SNTG1: variants seen among roughly 807,000 people sequenced by gnomAD.
SNTG1 encodes the protein syntrophin gamma 1, also known as gamma-1-syntrophin.
Under a neutral mutation model 74.7 loss-of-function variants are expected in SNTG1, and 39 were observed. That is an observed-to-expected ratio of 0.52 (90% CI 0.40 to 0.68). The LOEUF (loss-of-function observed/expected upper bound fraction) is 0.68, where lower values mean the gene tolerates loss of function less well. Among genes scored for constraint, SNTG1 ranks in the 30% least tolerant of loss-of-function variants. SNTG1 has a pLI of 0.00. For synonymous variants in SNTG1, 254 were observed against 217.1 expected, an observed-to-expected ratio of 1.17 and a Z score of -1.49; for missense variants, 685 against 609.5, an observed-to-expected ratio of 1.12 and a Z score of -1.30.
intron 15 of SNTG1, among the ~76,000 whole-genome samples, chr8:50,677,565 C>A (rs2131374105): frequency 6.6e-6 from 1 of 152,054 alleles, no homozygotes; most frequent in South Asian, 2.1e-4. Flanking sequence ...CATAACCTTT[C>A]TAGACTTAAT....
chr8:50,627,400 G>A (rs1445419443), intron 13 of SNTG1, among the ~76,000 whole-genome samples: 1 of 152,194 alleles, frequency 6.6e-6, no homozygotes, highest in African/African-American at 2.4e-5. Flanking sequence ...GTCATGTGAG[G>A]ACAGAGTGTT....
In SNTG1 at chr8:50,338,578, T is replaced by C. The variant is rs548160098; in HGVS notation, c.-27-55634T>C. Among the ~76,000 whole-genome samples the C allele has an allele frequency of 3.5e-4, 53 of 152,192 alleles. 2 individuals are homozygous for C. Among genetic ancestry groups the C allele is most frequent in the Middle Eastern group, 6.8e-3 (2 of 294 alleles). On this transcript the variant is annotated intron_variant, in intron 2 of 18. Transcript: ENST00000642720. ...GTGATGTAAGCAGACAGCTGAAAAC[T>C]TTAAGAAGATAACCAAAAGAAAATG...
At chr8:50,762,498 CT>C (rs1563816326) in intron 18 of SNTG1, 8 of 361,716 alleles carry the variant, frequency 2.2e-5, no homozygotes, top group Non-Finnish European at 3.8e-5. Flanking sequence ...TCATTAGTAG[CT>C]TTTTTGAGAT....
intron 2 of SNTG1, among the ~76,000 whole-genome samples, chr8:50,296,920 T>C (rs1469630532): frequency 1.3e-5 from 2 of 152,180 alleles, no homozygotes; most frequent in African/African-American, 4.8e-5. Context: ...TCCCTAAATA[T>C]TTGTCCCACA....
chr8:50,439,633 A>G (rs1286522197), intron 5 of SNTG1, among the ~76,000 whole-genome samples: 1 of 151,738 alleles, frequency 6.6e-6, no homozygotes, highest in Non-Finnish European at 1.5e-5. Flanking sequence ...AAGACCAGGG[A>G]GGCATGCAGA....
chr8:49,957,501 T>C (rs945862696), intron 1 of SNTG1, among the ~76,000 whole-genome samples: 1 of 152,218 alleles, frequency 6.6e-6, no homozygotes, highest in Non-Finnish European at 1.5e-5. Flanking sequence ...AAGTGTGTCA[T>C]GATTAGTGTG....
intron 17 of SNTG1, among the ~76,000 whole-genome samples, chr8:50,725,181 C>A (rs16915320): frequency 0.21 from 31,512 of 151,910 alleles, 3,365 homozygotes; most frequent in South Asian, 0.31. Flanking sequence ...CTTATTTGGG[C>A]GACGTTTTGT....
intron 15 of SNTG1, 46 bp downstream of exon 15, chr8:50,658,709 A>T: frequency 6.0e-6 from 8 of 1,340,782 alleles, no homozygotes; most frequent in Non-Finnish European, 8.5e-6. Context: ...TTCCTCAGCA[A>T]ATAGTGCCTC....
intron 4 of SNTG1, among the ~76,000 whole-genome samples, chr8:50,405,894 G>A (rs1027703034): frequency 2.2e-4 from 33 of 152,072 alleles, no homozygotes; most frequent in Non-Finnish European, 4.1e-4. Flanking sequence ...GTATATATAA[G>A]GGGGTATTTG....
intron 1 of SNTG1, among the ~76,000 whole-genome samples, chr8:49,989,966 G>A (rs868583791): frequency 6.6e-6 from 1 of 151,818 alleles, no homozygotes; most frequent in African/African-American, 2.4e-5. Flanking sequence ...TTGATAAAAA[G>A]TATCCATGAA....
At chr8:50,628,731 A>C (rs538605830) in intron 13 of SNTG1, among the ~76,000 whole-genome samples, 1 of 152,280 alleles carries the variant, frequency 6.6e-6, no homozygotes, top group East Asian at 1.9e-4. Context: ...GGTCTTTAAT[A>C]ATAACAAGTA....
intron 2 of SNTG1, among the ~76,000 whole-genome samples, chr8:50,204,569 GAT>G (rs2084124441): frequency 6.6e-6 from 1 of 151,908 alleles, no homozygotes; most frequent in Non-Finnish European, 1.5e-5. Context: ...CTTAAAATAA[GAT>G]ATAAATTTTT....
At position 50,121,021 on chromosome 8, in the gene SNTG1, C is replaced by G. The variant is rs2080981880; in HGVS notation, c.-102-51540C>G. Reference sequence around the variant, plus strand: ...TGCTCCCCATATTTCATTATCATATCAAGACACTGAAAGGAAAATATTTAT... The same window carrying G: ...TGCTCCCCATATTTCATTATCATATGAAGACACTGAAAGGAAAATATTTAT... On this transcript the variant is annotated intron_variant, in intron 1 of 18. Coordinates refer to ENST00000642720, the MANE Select transcript of SNTG1 (RefSeq NM_018967.5). Among the ~76,000 whole-genome samples the G allele has an allele frequency of 1.4e-5, 2 of 141,614 alleles. 1 individual carries two copies. The allele number at this position is 141,614 out of a possible 152,430, so 92.9% of individuals were successfully genotyped here.
At chr8:49,936,614 A>T (rs868072204) in intron 1 of SNTG1, among the ~76,000 whole-genome samples, 1 of 152,160 alleles carries the variant, frequency 6.6e-6, no homozygotes, top group Non-Finnish European at 1.5e-5. Flanking sequence ...CAATTTGAAA[A>T]ATGTGTCACT....
At chr8:50,225,316 T>A (rs2085274204) in intron 2 of SNTG1, among the ~76,000 whole-genome samples, 2 of 152,160 alleles carry the variant, frequency 1.3e-5, no homozygotes, top group South Asian at 4.1e-4. Flanking sequence ...ATCTGCATAA[T>A]AAGAACCTTG....
chr8:50,398,494 T>C (rs918426123), intron 3 of SNTG1, among the ~76,000 whole-genome samples: 5 of 152,228 alleles, frequency 3.3e-5, no homozygotes, highest in Non-Finnish European at 7.3e-5. Flanking sequence ...GATTGTTTCC[T>C]CAATTAATTT....
At chr8:50,740,916 A>T (rs1310455869) in intron 17 of SNTG1, among the ~76,000 whole-genome samples, 2 of 152,086 alleles carry the variant, frequency 1.3e-5, no homozygotes, top group East Asian at 3.9e-4. Flanking sequence ...ACATGTTCTC[A>T]CTTATAAAAA....
intron 12 of SNTG1, among the ~76,000 whole-genome samples, chr8:50,580,955 G>T (rs77755259): frequency 6.6e-6 from 1 of 152,054 alleles, no homozygotes; most frequent in African/African-American, 2.4e-5. Flanking sequence ...AGAGACACAT[G>T]GGCCAGGATG....
chr8:50,614,738 A>G (rs1215699502), intron 13 of SNTG1, among the ~76,000 whole-genome samples: 1 of 152,160 alleles, frequency 6.6e-6, no homozygotes, highest in African/African-American at 2.4e-5. Context: ...TGAAAATGAA[A>G]TTTCAAAAAA....
Sources: gnomAD v4.1 joint callset for allele counts (sites outside exome capture counted in the v4.1 genomes callset) on GRCh38, gnomAD v4.1.1 for gene constraint, MANE v1.5 for transcripts, NCBI Gene and HGNC (gene_info 2026-07-23, HGNC 2026-07-21) for gene names.